UGT1A4: variants seen among roughly 807,000 people sequenced by gnomAD.
UGT1A4 encodes UDP-glucuronosyltransferase 1A4.
UGT1A4 carries 32 observed loss-of-function variants against 41.1 expected under a neutral mutation model. The observed-to-expected ratio is 0.78, with a 90% CI of 0.59 to 1.05. UGT1A4 has a LOEUF of 1.05. Among genes scored for constraint, UGT1A4 ranks in the 50% least tolerant of loss-of-function variants. The pLI, the probability that UGT1A4 is intolerant of heterozygous loss-of-function variation, is 0.00. For missense variants in UGT1A4, 748 were observed against 677.4 expected (o/e 1.10, Z -1.16); for synonymous variants, 283 against 265.1 (o/e 1.07, Z -0.66).
intron 1 of UGT1A4, chr2:233,730,077 T>G: frequency 1.2e-6 from 2 of 1,605,094 alleles, no homozygotes; most frequent in South Asian, 2.2e-5. Flanking sequence ...TGCTTCCATA[T>G]TTACTTATCT....
rs1296616460 is a variant in UGT1A4 at position 233,754,185 on chromosome 2, C to G, written c.868-12849C>G. Reference sequence around the variant, plus strand: ...ATTAATATATTCATAGATTTCACCACCACACAGTAAAACATTGAAGTCAAA... The same window carrying G: ...ATTAATATATTCATAGATTTCACCAGCACACAGTAAAACATTGAAGTCAAA... On this transcript the variant is annotated intron_variant, in intron 1 of 4. Transcript: ENST00000373409. 3.1e-5 allele frequency: 5 copies of G among 159,682 alleles called. No individual in the cohort carries two copies. The East Asian group carries it at 9.1e-4, about 29-fold the overall frequency. 9.9% of individuals were successfully genotyped at this position (159,682 alleles called of 1,614,324 possible). A position where few individuals can be genotyped will look rare whatever the true frequency, so the allele number is the denominator to read the frequency against.
intron 1 of UGT1A4, chr2:233,760,741 C>G: frequency 6.2e-7 from 1 of 1,614,110 alleles, no homozygotes; most frequent in South Asian, 1.1e-5. Context: ...GCTGACGGAC[C>G]CTTTCCTTCC....
intron 1 of UGT1A4, among the ~76,000 whole-genome samples, chr2:233,746,736 T>A (rs1693464828): frequency 6.6e-6 from 1 of 151,854 alleles, no homozygotes; most frequent in African/African-American, 2.4e-5. Flanking sequence ...GATTCTGCTT[T>A]GGTTCCAAAG....
intron 1 of UGT1A4, among the ~76,000 whole-genome samples, chr2:233,739,652 T>C: frequency 6.6e-6 from 1 of 152,236 alleles, no homozygotes; most frequent in African/African-American, 2.4e-5. Context: ...CCAATTTCTG[T>C]ACCCCCATTG....
intron 1 of UGT1A4, among the ~76,000 whole-genome samples, chr2:233,745,989 G>A (rs1477607074): frequency 1.3e-5 from 2 of 151,676 alleles, no homozygotes; most frequent in Admixed American, 1.3e-4. Context: ...ATGACAGCTG[G>A]GTCTGAGAGA....
rs770674662 is a variant in UGT1A4 at position 233,719,673 on chromosome 2, A to T, written c.853A>T (p.Lys285Ter). Reference sequence around the variant, plus strand: ...TGGGGGCATCAACTGTGCCAACGGGAAGCCACTATCTCAGGTCTGTATTGG... The same window carrying T: ...TGGGGGCATCAACTGTGCCAACGGGTAGCCACTATCTCAGGTCTGTATTGG... Reference protein sequence around the residue: ...FIGGINCANGKPLSQEFEAYI... With the variant: ...FIGGINCANG Residue 285 changes from lysine to a stop codon, truncating the protein, a stop_gained, in exon 1 of 5, where the codon AAG (lysine) becomes TAG (stop). Coordinates refer to ENST00000373409, the MANE Select transcript of UGT1A4 (RefSeq NM_007120.3). LOFTEE classifies it high-confidence loss of function. 1 of 1,614,074 alleles carries T rather than the reference A, an allele frequency of 6.2e-7. No homozygotes were observed. Among genetic ancestry groups the T allele is most frequent in the Admixed American group, 1.7e-5 (1 of 60,020 alleles).
rs759062689 is a variant in UGT1A4, at chr2:233,719,598, G to A, written c.778G>A (p.Asp260Asn). ...TGCATCCGTGTGGCTGTTCCGAGGG[G>A]ACTTTGTGATGGACTACCCCAGGCC... is the stretch of plus-strand genomic sequence containing the variant. Reference protein sequence around the residue: ...SYASVWLFRGDFVMDYPRPIM... With the variant: ...SYASVWLFRGNFVMDYPRPIM... The change falls in exon 1 of 5, where the codon GAC becomes AAC. Residue 260 changes from aspartate (D) to asparagine (N), a missense_variant. Physicochemically the swap from Asp to Asn is conservative, Grantham distance 23. Transcript: ENST00000373409. 3.1e-6 allele frequency: 5 copies of A among 1,613,992 alleles called. No homozygotes were observed. The highest frequency in any genetic ancestry group is 2.5e-6 in the Non-Finnish European group (3 of 1,179,930).
At chr2:233,767,701 T>C in intron 2 of UGT1A4, 148 bp from the exon 3 acceptor site, 1 of 1,506,270 alleles carries the variant, frequency 6.6e-7, no homozygotes, top group Admixed American at 2.1e-5. Flanking sequence ...AAGTTGCCAG[T>C]CCTCAGAAGC....
chr2:233,734,158 C>CT (rs2078493084), intron 1 of UGT1A4, among the ~76,000 whole-genome samples: 1 of 151,988 alleles, frequency 6.6e-6, no homozygotes, highest in African/African-American at 2.4e-5. Flanking sequence ...TGGTCCTGGA[C>CT]TTTTTTTGGT....
intron 1 of UGT1A4, among the ~76,000 whole-genome samples, chr2:233,720,509 A>C (rs1440036500): frequency 1.3e-5 from 2 of 152,082 alleles, no homozygotes; most frequent in Admixed American, 6.6e-5. Flanking sequence ...TCTCAGGTGA[A>C]GCTGATCATA....
rs944669670 is a variant in UGT1A4 at position 233,769,377 on chromosome 2, C to T, written c.1307+938C>T. Reference sequence around the variant, plus strand: ...GTGGTGGCCAGTGGTAGATTTCATCCGACAATAGATACTGTGTGCATATGT... The same window carrying T: ...GTGGTGGCCAGTGGTAGATTTCATCTGACAATAGATACTGTGTGCATATGT... On this transcript the variant is annotated intron_variant, in intron 4 of 4. Transcript: ENST00000373409. The surrounding 1 kb of genome is among the most constrained non-coding windows in gnomAD (Gnocchi z 4.4). 6.6e-5 allele frequency among the ~76,000 whole-genome samples: 10 copies of T among 152,088 alleles called. No individual in the cohort carries two copies. The highest frequency in any genetic ancestry group is 1.0e-4 in the Non-Finnish European group (7 of 68,014).
In UGT1A4 at chr2:233,767,146, T is replaced by A. The variant is rs372326047; in HGVS notation, c.980T>A (p.Leu327Ter). 2 of 1,614,014 alleles carry A rather than the reference T, an allele frequency of 1.2e-6. No homozygotes were observed. The highest frequency in any genetic ancestry group is 2.7e-5 in the African/African-American group (2 of 74,934). ...AAAGCTATGGCAATTGCTGATGCTT[T>A]GGGCAAAATCCCTCAGACAGTAAGA... Reference protein sequence around the residue: ...EKKAMAIADALGKIPQTVLWR... With the variant: ...EKKAMAIADA The change falls in exon 2 of 5, where the codon TTG becomes TAG. Residue 327 changes from leucine to a stop codon, truncating the protein, a stop_gained. Transcript: ENST00000373409. LOFTEE classifies it high-confidence loss of function.
chr2:233,765,533 A>G (rs1474506324), intron 1 of UGT1A4, among the ~76,000 whole-genome samples: 2 of 151,964 alleles, frequency 1.3e-5, no homozygotes, highest in African/African-American at 4.8e-5. Flanking sequence ...GCATGTTCTC[A>G]CTCATAAGTG....
chr2:233,767,127 A>G lies in UGT1A4; in HGVS notation c.961A>G (p.Met321Val), dbSNP rs749159613. 5.0e-6 allele frequency: 8 copies of G among 1,614,028 alleles called. No homozygotes were observed. Among genetic ancestry groups the G allele is most frequent in the South Asian group, 2.2e-5 (2 of 91,084 alleles). The change falls in exon 2 of 5, where the codon ATG (methionine) becomes GTG (valine). Residue 321 changes from methionine (M) to valine (V), a missense_variant. Met to Val is a conservative substitution (Grantham distance 21). Coordinates refer to ENST00000373409, the MANE Select transcript of UGT1A4 (RefSeq NM_007120.3). Reference sequence around the variant, plus strand: ...CTCAGAAATTCCAGAGAAGAAAGCTATGGCAATTGCTGATGCTTTGGGCAA... The same window carrying G: ...CTCAGAAATTCCAGAGAAGAAAGCTGTGGCAATTGCTGATGCTTTGGGCAA... The part of the protein sequence containing the change: ...MVSEIPEKKA[M>V]AIADALGKIP...
intron 1 of UGT1A4, among the ~76,000 whole-genome samples, chr2:233,736,159 G>C (rs1376053272): frequency 6.6e-6 from 1 of 152,194 alleles, no homozygotes; most frequent in Non-Finnish European, 1.5e-5. Context: ...GTCAAACGTA[G>C]ATTTGGTCTT....
At chr2:233,755,021 G>C (rs1378604817) in intron 1 of UGT1A4, 1 of 1,305,166 alleles carries the variant, frequency 7.7e-7, no homozygotes, top group Non-Finnish European at 1.0e-6. Context: ...AGGGGTCCTT[G>C]AAGGGCCTGC....
rs552863758 is a variant in UGT1A4 at position 233,736,767 on chromosome 2, G to A, written c.867+17080G>A. Among the ~76,000 whole-genome samples, 7 of 152,324 alleles carry A rather than the reference G, an allele frequency of 4.6e-5. No individual in the cohort carries two copies. In the South Asian group the frequency reaches 1.2e-3, roughly 27 times the overall value. On this transcript the variant is annotated intron_variant, in intron 1 of 4. Transcript: ENST00000373409. ...CTGTTTGTTAGTTTTCCTTCTAACA[G>A]TCAGATCCCTCAGCTGCAGGTCTGT... is the stretch of plus-strand genomic sequence containing the variant.
chr2:233,741,316 A>C (rs1691627687), intron 1 of UGT1A4, among the ~76,000 whole-genome samples: 7 of 151,556 alleles, frequency 4.6e-5, no homozygotes, highest in Admixed American at 4.6e-4. Context: ...ACACCAACTC[A>C]TTCTACTCTA....
intron 1 of UGT1A4, 101 bp from the exon 2 acceptor site, chr2:233,766,933 A>C: frequency 6.3e-7 from 1 of 1,584,088 alleles, no homozygotes; most frequent in South Asian, 1.2e-5. Flanking sequence ...CATGCCTTTA[A>C]TCATAGTCTT....
Sources: allele counts gnomAD v4.1 joint callset (sites outside exome capture counted in the v4.1 genomes callset), GRCh38; gene constraint gnomAD v4.1.1; non-coding constraint Gnocchi (gnomAD v3.1); transcripts MANE v1.5; gene names NCBI Gene and HGNC (gene_info 2026-07-23, HGNC 2026-07-21).